KLK11: variants seen among roughly 807,000 people sequenced by gnomAD.
KLK11 encodes kallikrein-11.
KLK11 carries 10 observed loss-of-function variants against 23.4 expected under a neutral mutation model. The ratio of observed to expected loss-of-function variants is 0.43; its 90% CI spans 0.26 to 0.73. The LOEUF is 0.73. KLK11 is among the 30% of genes least tolerant of loss of function. KLK11 has a pLI of 0.22. For missense variants in KLK11, 285 were observed against 327.8 expected (o/e 0.87, Z 1.01); for synonymous variants, 131 against 131.7 (o/e 0.99, Z 0.03).
chr19:51,024,199 G>C lies in KLK11; in HGVS notation c.309C>G (p.Pro103=). The C allele has an allele frequency of 6.2e-7, 1 of 1,614,010 alleles. No homozygotes were observed. Among genetic ancestry groups the C allele is most frequent in the Middle Eastern group, 1.7e-4 (1 of 6,060 alleles). The part of the protein sequence containing the change: ...FPHPGFNNSL[P]NKDHRNDIML... ...TGATGTCATTGCGGTGGTCTTTGTTGGGGAGGCTGTTGTTGAAGCCGGGGT... is the reference window on the plus strand; with the variant it reads ...TGATGTCATTGCGGTGGTCTTTGTTCGGGAGGCTGTTGTTGAAGCCGGGGT... Residue 103 remains proline, a synonymous_variant, in exon 4 of 6, where the codon CCC becomes CCG. Coordinates refer to ENST00000453757, the MANE Select transcript of KLK11 (RefSeq NM_001136032.3). The surrounding 1 kb of genome is among the most constrained non-coding windows in gnomAD (Gnocchi z 6.2).
upstream of KLK11, chr19:51,026,863 T>A (rs2091494687): frequency 6.5e-6 from 1 of 154,452 alleles, no homozygotes; most frequent in African/African-American, 2.4e-5. Context: ...CTGCCCTGAG[T>A]CTCTGAATCT....
At position 51,024,214 on chromosome 19, in the gene KLK11, GA is replaced by G; in HGVS notation, c.293del (p.Phe98SerfsTer17). On this transcript the variant is annotated frameshift_variant, in exon 4 of 6. Coordinates refer to ENST00000453757, the MANE Select transcript of KLK11 (RefSeq NM_001136032.3). LOFTEE classifies it high-confidence loss of function. This position sits in a 1 kb window ranked among gnomAD's most constrained non-coding sequence, Gnocchi z 6.2. ...GGTCTTTGTTGGGGAGGCTGTTGTT[GA>G]AGCCGGGGTGGGGGAAGGACTCAGT... ...TATESFPHPG[F>X]NNSLPNKDHR... 4 of 1,614,108 alleles carry G rather than the reference GA, an allele frequency of 2.5e-6. No homozygotes were observed. The highest frequency in any genetic ancestry group is 3.4e-6 in the Non-Finnish European group (4 of 1,179,998).
Position 51,024,022 on chromosome 19 carries a change from A to G in KLK11, c.463+23T>C, listed in dbSNP as rs202243771. 220 of 1,494,792 alleles carry G rather than the reference A, an allele frequency of 1.5e-4. No individual in the cohort carries two copies. Among genetic ancestry groups the G allele is most frequent in the Middle Eastern group, 1.2e-3 (5 of 4,296 alleles). 92.6% of individuals were successfully genotyped at this position (1,494,792 alleles called of 1,614,324 possible). On this transcript the variant is annotated intron_variant, in intron 4 of 5. Coordinates refer to ENST00000453757, the MANE Select transcript of KLK11 (RefSeq NM_001136032.3). This position sits in a 1 kb window ranked among gnomAD's most constrained non-coding sequence, Gnocchi z 6.2. ...CACTCCCTCCTCACCACCCCCTGCC[A>G]GGTTCCCCTCTGGTGCTCCTACACT...
At chr19:51,023,901 C>T (rs937460771) in intron 4 of KLK11, 144 bp downstream of exon 4, 2 of 729,104 alleles carry the variant, frequency 2.7e-6, no homozygotes, top group East Asian at 2.9e-5. Flanking sequence ...GTCCCCACCC[C>T]CCTATCCTGA....
At position 51,024,015 on chromosome 19, in the gene KLK11, C is replaced by T. The variant is rs1452289833; in HGVS notation, c.463+30G>A. On this transcript the variant is annotated intron_variant, in intron 4 of 5. Coordinates refer to ENST00000453757, the MANE Select transcript of KLK11 (RefSeq NM_001136032.3). The surrounding 1 kb of genome is among the most constrained non-coding windows in gnomAD (Gnocchi z 6.2). ...TCCTGACCACTCCCTCCTCACCACC[C>T]CCTGCCAGGTTCCCCTCTGGTGCTC... 2.7e-6 allele frequency: 4 copies of T among 1,484,808 alleles called. No homozygotes were observed. The African/African-American group carries it at 5.6e-5, about 21-fold the overall frequency. The allele number at this position is 1,484,808 out of a possible 1,614,324, so 92.0% of individuals were successfully genotyped here. A position where few individuals can be genotyped will look rare whatever the true frequency, so the allele number is the denominator to read the frequency against.
At position 51,026,573 on chromosome 19, in the gene KLK11, G is replaced by A. The variant is rs865891309; in HGVS notation, c.-71C>T. On this transcript the variant is annotated 5_prime_UTR_variant, in exon 1 of 6. Coordinates refer to ENST00000453757, the MANE Select transcript of KLK11 (RefSeq NM_001136032.3). The stretch of plus-strand genomic sequence containing the variant: ...GCTGGGGCTCTGGGGGCCCAGTGGC[G>A]GCGGAGACGGCAGTGGCGGCAGCTA... 19 of 986,548 alleles carry A rather than the reference G, an allele frequency of 1.9e-5. No homozygotes were observed. Among genetic ancestry groups the A allele is most frequent in the African/African-American group, 1.0e-4 (6 of 57,222 alleles). The allele number at this position is 986,548 out of a possible 1,614,324, so 61.1% of individuals were successfully genotyped here.
rs1251821881 is a variant in KLK11, at chr19:51,024,893, GTGGTCTGGGCCC to G, written c.41-111_41-100del. On this transcript the variant is annotated intron_variant, in intron 2 of 5. Transcript: ENST00000453757. The surrounding 1 kb of genome is among the most constrained non-coding windows in gnomAD (Gnocchi z 6.2). ...GGTGGGGAGGAGAGAAAGAGAGTGG[GTGGTCTGGGCCC>G]TGGTCTGGTGTCCCTCTGGGTTGCC... 8.2e-7 allele frequency: 1 copy of G among 1,214,872 alleles called. No individual in the cohort carries two copies. The highest frequency in any genetic ancestry group is 1.1e-6 in the Non-Finnish European group (1 of 903,410). The allele number at this position is 1,214,872 out of a possible 1,614,324, so 75.3% of individuals were successfully genotyped here.
rs2091460492 is a variant in KLK11, at chr19:51,024,935, A to G, written c.41-141T>C. 8.3e-6 allele frequency: 6 copies of G among 722,220 alleles called. No individual in the cohort carries two copies. In the East Asian group the frequency reaches 1.9e-4, roughly 23 times the overall value. The allele number at this position is 722,220 out of a possible 1,614,324, so 44.7% of individuals were successfully genotyped here. ...CTGGTGTCCCTCTGGGTTGCCCTGG[A>G]TGCTGGGGTCGGGTATTAAAGGATG... On this transcript the variant is annotated intron_variant, in intron 2 of 5. Transcript: ENST00000453757. This position sits in a 1 kb window ranked among gnomAD's most constrained non-coding sequence, Gnocchi z 6.2.
chr19:51,022,447 T>C lies in KLK11; in HGVS notation c.*98A>G, dbSNP rs1048344. On this transcript the variant is annotated 3_prime_UTR_variant, in exon 6 of 6. Coordinates refer to ENST00000453757, the MANE Select transcript of KLK11 (RefSeq NM_001136032.3). ...GTCCAGGAGGCCCAAAGAATGTTCG[T>C]AGAGGGTCTTGGCTTAGGGTTTCTT... 283,021 of 1,436,108 alleles carry C rather than the reference T, an allele frequency of 0.2. 31,011 individuals carry two copies. The highest frequency in any genetic ancestry group is 0.43 in the African/African-American group (30,847 of 71,210). 89.0% of individuals were successfully genotyped at this position (1,436,108 alleles called of 1,614,324 possible). A position where few individuals can be genotyped will look rare whatever the true frequency, so the allele number is the denominator to read the frequency against.
intron 5 of KLK11, 94 bp from the exon 6 acceptor site, chr19:51,022,791 A>T (rs1015632947): frequency 1.0e-4 from 137 of 1,368,428 alleles, no homozygotes; most frequent in Non-Finnish European, 1.3e-4. Flanking sequence ...AGTGGGGCCG[A>T]GACAGGATGG....
chr19:51,027,700 G>A (rs1170201632), upstream of KLK11: 6 of 610,552 alleles, frequency 9.8e-6, no homozygotes, highest in African/African-American at 9.2e-5. Context: ...CTACTACTAT[G>A]ACTACCCTTA....
chr19:51,025,659 A>T lies in KLK11; in HGVS notation c.-28T>A. On this transcript the variant is annotated 5_prime_UTR_variant, in exon 2 of 6. Transcript: ENST00000453757. This position sits in a 1 kb window ranked among gnomAD's most constrained non-coding sequence, Gnocchi z 6.2. The stretch of plus-strand genomic sequence containing the variant: ...CCTGGAGGGGGGAGGAGCGGGCCCC[A>T]GGTTCCTCTGGGAACAAGGAGGGAC... 6.4e-7 allele frequency: 1 copy of T among 1,566,376 alleles called. No individual in the cohort carries two copies. The highest frequency in any genetic ancestry group is 8.7e-7 in the Non-Finnish European group (1 of 1,154,984).
chr19:51,027,324 G>T, upstream of KLK11: 1 of 919,878 alleles, frequency 1.1e-6, no homozygotes, highest in Non-Finnish European at 1.7e-6. Context: ...TGGAAGCCGA[G>T]TCCAGGAAAG....
chr19:51,026,590 C>A lies in KLK11; in HGVS notation c.-88G>T. ...CCAGTGGCGGCGGAGACGGCAGTGG[C>A]GGCAGCTACAGCAGGTAGGCTGGGT... On this transcript the variant is annotated 5_prime_UTR_variant, in exon 1 of 6. Coordinates refer to ENST00000453757, the MANE Select transcript of KLK11 (RefSeq NM_001136032.3). The A allele has an allele frequency of 2.0e-6, 2 of 986,616 alleles. No homozygotes were observed. Among genetic ancestry groups the A allele is most frequent in the Non-Finnish European group, 2.4e-6 (2 of 830,572 alleles). The allele number at this position is 986,616 out of a possible 1,614,324, so 61.1% of individuals were successfully genotyped here. A position where few individuals can be genotyped will look rare whatever the true frequency, so the allele number is the denominator to read the frequency against.
chr19:51,027,225 A>G (rs1600158796), upstream of KLK11: 2 of 530,956 alleles, frequency 3.8e-6, no homozygotes, highest in Admixed American at 3.3e-5. Context: ...TTGCAAGGAG[A>G]GGGGGGGTGT....
chr19:51,024,508 A>T lies in KLK11; in HGVS notation c.197+130T>A. ...CCACCTTCAATACCAACTCGAGCCC[A>T]TCAACCTTGCTGACACTACCCATCC... On this transcript the variant is annotated intron_variant, in intron 3 of 5. Coordinates refer to ENST00000453757, the MANE Select transcript of KLK11 (RefSeq NM_001136032.3). The surrounding 1 kb of genome is among the most constrained non-coding windows in gnomAD (Gnocchi z 6.2). 8.6e-7 allele frequency: 1 copy of T among 1,166,352 alleles called. No homozygotes were observed. Among genetic ancestry groups the T allele is most frequent in the Non-Finnish European group, 1.1e-6 (1 of 885,810 alleles). The allele number at this position is 1,166,352 out of a possible 1,614,324, so 72.3% of individuals were successfully genotyped here.
intron 1 of KLK11, among the ~76,000 whole-genome samples, chr19:51,026,100 T>C (rs2091482633): frequency 6.6e-6 from 1 of 152,106 alleles, no homozygotes. Flanking sequence ...CACCCCTTTT[T>C]CATTGTCTTC....
Position 51,023,088 on chromosome 19 carries a change from T to G in KLK11, c.600+4A>C. The G allele has an allele frequency of 6.2e-7, 1 of 1,603,384 alleles. No individual in the cohort carries two copies. The highest frequency in any genetic ancestry group is 1.1e-5 in the South Asian group (1 of 88,940). On this transcript the variant is annotated splice_donor_region_variant and intron_variant, in intron 5 of 5. Transcript: ENST00000453757. The stretch of plus-strand genomic sequence containing the variant: ...ATGGGGCTGTGGTTGGAGACCACAC[T>G]GACCTGGCAGGAGTCCTTGCCCCCT...
At chr19:51,023,632 A>G (rs1172724938) in intron 4 of KLK11, 1 of 213,694 alleles carries the variant, frequency 4.7e-6, no homozygotes, top group African/African-American at 2.3e-5. Context: ...TGATCTTCCC[A>G]CCTCGGCCTC....
Sources: allele counts gnomAD v4.1 joint callset (sites outside exome capture counted in the v4.1 genomes callset), GRCh38; gene constraint gnomAD v4.1.1; non-coding constraint Gnocchi (gnomAD v3.1); transcripts MANE v1.5; gene names NCBI Gene and HGNC (gene_info 2026-07-23, HGNC 2026-07-21).